WWOX: variants seen among roughly 807,000 people sequenced by gnomAD.
WWOX encodes WW domain containing oxidoreductase, also known as WW domain-containing oxidoreductase.
In WWOX, 69 loss-of-function variants were observed where a neutral mutation model predicts 46.2. The ratio of observed to expected loss-of-function variants is 1.49; its 90% CI spans 1.23 to 1.82. The LOEUF is 1.82. Ranked by LOEUF, WWOX falls within the 40% of genes most tolerant of loss-of-function variation. The pLI is 0.00. For synonymous variants in WWOX, 359 were observed against 202.6 expected, an observed-to-expected ratio of 1.77 and a Z score of -6.56; for missense variants, 919 against 542.6, an observed-to-expected ratio of 1.69 and a Z score of -6.89.
intron 6 of WWOX, among the ~76,000 whole-genome samples, chr16:78,411,124 A>T (rs904489293): frequency 1.3e-5 from 2 of 152,142 alleles, no homozygotes; most frequent in African/African-American, 4.8e-5. Context: ...TTTTTTCTAT[A>T]TTCTGTTAGT....
intron 8 of WWOX, among the ~76,000 whole-genome samples, chr16:78,466,772 C>G (rs753760542): frequency 6.6e-5 from 10 of 152,044 alleles, no homozygotes; most frequent in African/African-American, 2.2e-4. Context: ...CACTTGAACC[C>G]GAGAGGCAGA....
chr16:78,304,966 TCCTTC>T (rs940424250), intron 5 of WWOX, among the ~76,000 whole-genome samples: 3 of 152,114 alleles, frequency 2.0e-5, no homozygotes, highest in African/African-American at 7.2e-5. Context: ...TTCTTTTCTT[TCCTTC>T]CCTTTTTCCT....
chr16:78,771,674 A>G (rs1317880415), intron 8 of WWOX, among the ~76,000 whole-genome samples: 1 of 152,116 alleles, frequency 6.6e-6, no homozygotes, highest in Non-Finnish European at 1.5e-5. Context: ...TGGAAGGCTG[A>G]AGCAGGAGAA....
intron 8 of WWOX, among the ~76,000 whole-genome samples, chr16:79,072,762 C>T (rs549322744): frequency 6.6e-6 from 1 of 152,184 alleles, no homozygotes; most frequent in African/African-American, 2.4e-5. Context: ...TTCAACTTTG[C>T]CTGTATATTT....
intron 8 of WWOX, among the ~76,000 whole-genome samples, chr16:79,145,078 T>C (rs903108008): frequency 6.6e-5 from 10 of 152,200 alleles, no homozygotes; most frequent in African/African-American, 2.4e-4. Context: ...TTTTGTTGAA[T>C]GGTGCCACTG....
At chr16:78,601,797 C>T (rs1232861309) in intron 8 of WWOX, among the ~76,000 whole-genome samples, 1 of 152,104 alleles carries the variant, frequency 6.6e-6, no homozygotes, top group Non-Finnish European at 1.5e-5. Flanking sequence ...ATTTTCTCTG[C>T]GGAAGAGTAG....
Position 78,892,474 on chromosome 16 carries a change from G to A in WWOX, c.1057-319134G>A, listed in dbSNP as rs1422202055. On this transcript the variant is annotated intron_variant, in intron 8 of 8. Coordinates refer to ENST00000566780, the MANE Select transcript of WWOX (RefSeq NM_016373.4). ...GCCTGGTTCTACCTCTAGTTGGAACGGTGGTCATGGACAGGTCACCCCCGC... is the reference window on the plus strand; with the variant it reads ...GCCTGGTTCTACCTCTAGTTGGAACAGTGGTCATGGACAGGTCACCCCCGC... Among the ~76,000 whole-genome samples, 9 of 152,150 alleles carry A rather than the reference G, an allele frequency of 5.9e-5. No homozygotes were observed. In the East Asian group the frequency reaches 1.7e-3, roughly 29 times the overall value.
chr16:78,431,083 C>T (rs528872468), intron 7 of WWOX, among the ~76,000 whole-genome samples: 2 of 152,194 alleles, frequency 1.3e-5, no homozygotes, highest in African/African-American at 2.4e-5. Flanking sequence ...TAGAAAATTC[C>T]TTTTGTTTGC....
At chr16:79,134,206 AAAAG>A (rs1470417562) in intron 8 of WWOX, among the ~76,000 whole-genome samples, 5 of 152,180 alleles carry the variant, frequency 3.3e-5, no homozygotes, top group Non-Finnish European at 5.9e-5. Flanking sequence ...TTACAAAGGA[AAAAG>A]AAAGAATCCA....
chr16:78,313,199 G>C (rs1054596170), intron 5 of WWOX, among the ~76,000 whole-genome samples: 1 of 152,162 alleles, frequency 6.6e-6, no homozygotes, highest in African/African-American at 2.4e-5. Context: ...CTCCAACACA[G>C]GGCTCTTCCA....
At chr16:79,185,944 C>CTGTG (rs201447855) in intron 8 of WWOX, among the ~76,000 whole-genome samples, 7 of 149,130 alleles carry the variant, frequency 4.7e-5, no homozygotes, top group Admixed American at 6.7e-5. Flanking sequence ...GATGCCATGT[C>CTGTG]TGTGTGTGTG....
At chr16:78,441,489 C>T (rs2083443137) in intron 8 of WWOX, among the ~76,000 whole-genome samples, 1 of 152,068 alleles carries the variant, frequency 6.6e-6, no homozygotes, top group South Asian at 2.1e-4. Flanking sequence ...ACAGCAAGCC[C>T]CCAAGGTCCC....
At chr16:78,755,330 A>T (rs564803572) in intron 8 of WWOX, among the ~76,000 whole-genome samples, 13 of 152,206 alleles carry the variant, frequency 8.5e-5, no homozygotes, top group African/African-American at 3.1e-4. Flanking sequence ...GTACATTTCG[A>T]GAAGGCAATA....
chr16:78,150,956 C>T (rs146794043), intron 4 of WWOX, among the ~76,000 whole-genome samples: 193 of 152,228 alleles, frequency 1.3e-3, no homozygotes, highest in Non-Finnish European at 1.6e-3. Flanking sequence ...TAGCTCACTG[C>T]AGCCTCCAAC....
intron 8 of WWOX, among the ~76,000 whole-genome samples, chr16:78,842,140 T>C (rs1329388889): frequency 6.6e-6 from 1 of 152,082 alleles, no homozygotes; most frequent in Non-Finnish European, 1.5e-5. Context: ...CTTAAAGTAA[T>C]CCAGGAGGAG....
At position 78,816,502 on chromosome 16, in the gene WWOX, C is replaced by CTTTTTTTTTTTTTTT. The variant is rs55814418; in HGVS notation, c.1056+383766_1056+383780dup. Among the ~76,000 whole-genome samples the CTTTTTTTTTTTTTTT allele has an allele frequency of 1.4e-4, 6 of 42,066 alleles. 2 individuals are homozygous for CTTTTTTTTTTTTTTT. The highest frequency in any genetic ancestry group is 2.1e-4 in the Non-Finnish European group (5 of 23,762). The allele number at this position is 42,066 out of a possible 152,430, so 27.6% of individuals were successfully genotyped here. ...ATCTACCAGACAAGAAGGAGCCACT[C>CTTTTTTTTTTTTTTT]TTTTTTTTTTTTTTTTTTTTTTTTT... On this transcript the variant is annotated intron_variant, in intron 8 of 8. Coordinates refer to ENST00000566780, the MANE Select transcript of WWOX (RefSeq NM_016373.4).
chr16:78,389,776 G>T (rs1015230160), intron 6 of WWOX, among the ~76,000 whole-genome samples: 3 of 151,992 alleles, frequency 2.0e-5, no homozygotes, highest in African/African-American at 7.2e-5. Context: ...TTTGAGACAG[G>T]GTCTCGCTGT....
chr16:78,978,832 C>T (rs532996501), intron 8 of WWOX, among the ~76,000 whole-genome samples: 4 of 152,248 alleles, frequency 2.6e-5, no homozygotes, highest in South Asian at 4.1e-4. Context: ...AGTCACCTCC[C>T]ACCAGGCCCC....
Position 79,056,216 on chromosome 16 carries a change from A to C in WWOX, c.1057-155392A>C, listed in dbSNP as rs929492809. Among the ~76,000 whole-genome samples the C allele has an allele frequency of 1.8e-4, 4 of 22,608 alleles. No individual in the cohort carries two copies. In the Admixed American group the frequency reaches 1.9e-3, roughly 11 times the overall value. 14.8% of individuals were successfully genotyped at this position (22,608 alleles called of 152,430 possible). On this transcript the variant is annotated intron_variant, in intron 8 of 8. Coordinates refer to ENST00000566780, the MANE Select transcript of WWOX (RefSeq NM_016373.4). ...CTAAGTAATAGGCTGTCACTAGACC[A>C]AAAAAAAAAAAAAAAAAATTCAGCA... is the stretch of plus-strand genomic sequence containing the variant.
Sources: gnomAD v4.1 joint callset for allele counts (sites outside exome capture counted in the v4.1 genomes callset) on GRCh38, gnomAD v4.1.1 for gene constraint, MANE v1.5 for transcripts, NCBI Gene and HGNC (gene_info 2026-07-23, HGNC 2026-07-21) for gene names.